Variants in MPP7 observed in about 807,000 individuals in gnomAD.
MPP7 encodes MAGUK p55 subfamily member 7.
In MPP7, 60 loss-of-function variants were observed where a neutral mutation model predicts 76.5. The observed-to-expected ratio is 0.78, with a 90% CI of 0.64 to 0.97. The LOEUF is 0.97. Among genes scored for constraint, MPP7 ranks in the 50% least tolerant of loss-of-function variants. MPP7 has a pLI of 0.00. For synonymous variants in MPP7, 237 were observed against 244.5 expected (o/e 0.97, Z 0.29); for missense variants, 641 against 694.0 (o/e 0.92, Z 0.86).
At chr10:28,218,535 T>C (rs912013684) in intron 2 of MPP7, among the ~76,000 whole-genome samples, 19 of 152,282 alleles carry the variant, frequency 1.2e-4, no homozygotes, top group African/African-American at 4.3e-4. Context: ...AGTAAATAAC[T>C]GACTTTCAAA....
chr10:28,281,106 G>T (rs749908036), intron 1 of MPP7, among the ~76,000 whole-genome samples: 2 of 151,654 alleles, frequency 1.3e-5, no homozygotes, highest in Non-Finnish European at 2.9e-5. Context: ...TTGAGACAGG[G>T]TCTCACTCTG....
At chr10:28,301,957 C>T (rs1267957658) in intron 1 of MPP7, among the ~76,000 whole-genome samples, 3 of 152,176 alleles carry the variant, frequency 2.0e-5, no homozygotes, top group East Asian at 1.9e-4. Flanking sequence ...AATCAAATTA[C>T]GTAATTAATA....
At chr10:28,184,345 CTT>C (rs1347926560) in intron 3 of MPP7, among the ~76,000 whole-genome samples, 2 of 147,694 alleles carry the variant, frequency 1.4e-5, no homozygotes, top group Admixed American at 6.8e-5. Context: ...TTAAATGTAT[CTT>C]TATCTTAATA....
At chr10:28,240,693 C>G (rs928018749) in intron 1 of MPP7, among the ~76,000 whole-genome samples, 1 of 151,932 alleles carries the variant, frequency 6.6e-6, no homozygotes, top group Admixed American at 6.5e-5. Context: ...CTTTGCTTTG[C>G]CTTCATAAAT....
chr10:28,096,943 A>T (rs1853598065), intron 11 of MPP7, among the ~76,000 whole-genome samples: 1 of 152,190 alleles, frequency 6.6e-6, no homozygotes, highest in Admixed American at 6.5e-5. Context: ...TTATGCCATG[A>T]CAGAAAAAGG....
chr10:28,118,042 G>A, intron 11 of MPP7: 2 of 943,310 alleles, frequency 2.1e-6, no homozygotes, highest in Non-Finnish European at 2.5e-6. Context: ...AGTCAAATGA[G>A]GACATTTCAG....
intron 12 of MPP7, 139 bp downstream of exon 12, chr10:28,089,528 AGATT>A: frequency 5.5e-6 from 4 of 730,142 alleles, no homozygotes; most frequent in Non-Finnish European, 9.0e-6. Flanking sequence ...AAAAAACTAA[AGATT>A]TTGTTTCAGA....
At position 28,051,524 on chromosome 10, in the gene MPP7, TA is replaced by T. The variant is rs1851359273; in HGVS notation, c.*2540del. On this transcript the variant is annotated 3_prime_UTR_variant, in exon 17 of 17. Coordinates refer to ENST00000683449, the MANE Select transcript of MPP7 (RefSeq NM_001318170.2). The stretch of plus-strand genomic sequence containing the variant: ...TCTTGATTTTTAAATATATGAATTT[TA>T]AAAAGTGAACGTTCCTCTTCTCTTA... The T allele has an allele frequency of 6.6e-6, 1 of 152,150 alleles. No individual in the cohort carries two copies. The highest frequency in any genetic ancestry group is 2.4e-5 in the African/African-American group (1 of 41,426). 9.4% of individuals were successfully genotyped at this position (152,150 alleles called of 1,614,324 possible). A position where few individuals can be genotyped will look rare whatever the true frequency, so the allele number is the denominator to read the frequency against.
chr10:28,056,696 G>T, intron 15 of MPP7, 73 bp from the exon 16 acceptor site: 1 of 1,347,834 alleles, frequency 7.4e-7, no homozygotes. Context: ...CTTTCTAGGA[G>T]AAAATTCCTC....
chr10:28,253,665 C>T (rs1839689020), intron 1 of MPP7, among the ~76,000 whole-genome samples: 1 of 152,100 alleles, frequency 6.6e-6, no homozygotes, highest in Non-Finnish European at 1.5e-5. Flanking sequence ...ATTGTTCCTA[C>T]TTGACTGCTC....
At chr10:28,092,042 T>C (rs927676) in intron 11 of MPP7, among the ~76,000 whole-genome samples, 15,825 of 152,148 alleles carry the variant, frequency 0.1, 1,584 homozygotes, top group East Asian at 0.5. Flanking sequence ...ATTGTTACCA[T>C]TGGGTTTAAG....
At chr10:28,259,645 G>A (rs1478382401) in intron 1 of MPP7, among the ~76,000 whole-genome samples, 1 of 151,352 alleles carries the variant, frequency 6.6e-6, no homozygotes, top group African/African-American at 2.4e-5. Flanking sequence ...ATGCAGGGAG[G>A]CAGGAGATGA....
intron 2 of MPP7, among the ~76,000 whole-genome samples, chr10:28,310,335 C>A (rs1841282918): frequency 6.6e-6 from 1 of 152,008 alleles, no homozygotes. Flanking sequence ...CTCAGGTATT[C>A]CTTTAAGTAG....
intron 12 of MPP7, among the ~76,000 whole-genome samples, chr10:28,072,106 T>C (rs1226820321): frequency 2.0e-5 from 3 of 151,978 alleles, no homozygotes; most frequent in Non-Finnish European, 4.4e-5. Flanking sequence ...AAACCTTGTC[T>C]CTACTAAAAA....
chr10:28,247,890 A>G (rs1030577013), intron 1 of MPP7, among the ~76,000 whole-genome samples: 1 of 152,222 alleles, frequency 6.6e-6, no homozygotes, highest in Non-Finnish European at 1.5e-5. Flanking sequence ...TTTCTTCAAT[A>G]ACCTCAATTT....
At chr10:28,109,185 G>C (rs1378336636) in intron 11 of MPP7, among the ~76,000 whole-genome samples, 2 of 152,128 alleles carry the variant, frequency 1.3e-5, no homozygotes, top group Non-Finnish European at 2.9e-5. Context: ...CTACTCAGGA[G>C]GCTGAGGCAG....
chr10:28,070,163 C>T (rs781718205), intron 12 of MPP7, among the ~76,000 whole-genome samples: 6 of 151,976 alleles, frequency 3.9e-5, no homozygotes, highest in Non-Finnish European at 5.9e-5. Flanking sequence ...TTTGGGAGGC[C>T]GAGGTGGGCA....
intron 6 of MPP7, 64 bp from the exon 7 acceptor site, chr10:28,125,155 G>A (rs754234742): frequency 3.8e-6 from 5 of 1,321,858 alleles, no homozygotes; most frequent in Non-Finnish European, 5.4e-6. Context: ...AGAAAAGGAG[G>A]AAATAAGGAC....
chr10:28,330,622 C>A (rs1479200345), intron 1 of MPP7, among the ~76,000 whole-genome samples: 1 of 151,986 alleles, frequency 6.6e-6, no homozygotes, highest in African/African-American at 2.4e-5. Context: ...ATTGGGGGAT[C>A]AGAGGATAAA....
Sources: allele counts gnomAD v4.1 joint callset (sites outside exome capture counted in the v4.1 genomes callset), GRCh38; gene constraint gnomAD v4.1.1; transcripts MANE v1.5; gene names NCBI Gene and HGNC (gene_info 2026-07-23, HGNC 2026-07-21).